ARHGAP35: variants seen among roughly 807,000 people sequenced by gnomAD.
The protein encoded by ARHGAP35 is Rho GTPase activating protein 35, also known as rho GTPase-activating protein 35.
Under a neutral mutation model 111.1 loss-of-function variants are expected in ARHGAP35, and 15 were observed. The observed-to-expected ratio is 0.13, with a 90% CI of 0.09 to 0.21. The LOEUF (loss-of-function observed/expected upper bound fraction) is 0.21. ARHGAP35 is among the 10% of genes least tolerant of loss of function. The probability of loss-of-function intolerance (pLI) is 1.00; values close to 1 mark genes in which losing one functional copy is unlikely to be tolerated. For missense variants in ARHGAP35, 1,262 were observed against 1,873.0 expected (o/e 0.67, Z 6.02); for synonymous variants, 643 against 710.3 (o/e 0.91, Z 1.51).
intron 3 of ARHGAP35, among the ~76,000 whole-genome samples, chr19:46,978,211 C>G (rs1432968598): frequency 1.3e-5 from 2 of 152,134 alleles, no homozygotes; most frequent in African/African-American, 4.8e-5. Flanking sequence ...GCCTTCCTGC[C>G]TGAGGCTTAC....
Position 46,921,160 on chromosome 19 carries a change from C to T in ARHGAP35, c.2485C>T (p.His829Tyr). Residue 829 changes from histidine (H) to tyrosine (Y), a missense_variant, in exon 2 of 7, where the codon CAC becomes TAC. This residue lies in a region of ARHGAP35 where 579 missense variants were observed against 716.9 expected (regional missense o/e 0.81). Transcript: ENST00000672722. This position sits in a 1 kb window ranked among gnomAD's most constrained non-coding sequence, Gnocchi z 4.3. The part of the protein sequence containing the change: ...SVLLELPIGL[H>Y]KKRIELSVLS... The stretch of plus-strand genomic sequence containing the variant: ...TTTACTTGAACTACCAATCGGACTG[C>T]ACAAGAAGCGGATTGAACTGTCTGT... 6.2e-7 allele frequency: 1 copy of T among 1,614,014 alleles called. No individual in the cohort carries two copies. The highest frequency in any genetic ancestry group is 8.5e-7 in the Non-Finnish European group (1 of 1,179,894).
intron 3 of ARHGAP35, among the ~76,000 whole-genome samples, chr19:46,985,160 A>G (rs577863454): frequency 6.6e-6 from 1 of 152,150 alleles, no homozygotes; most frequent in Admixed American, 6.5e-5. Context: ...GCTGACACAT[A>G]CCCAAGGCTT....
intron 1 of ARHGAP35, among the ~76,000 whole-genome samples, chr19:46,865,261 C>G (rs2055848923): frequency 6.6e-6 from 1 of 152,178 alleles, no homozygotes; most frequent in Admixed American, 6.5e-5. Flanking sequence ...AACATGTTTT[C>G]AAGGGCTCTT....
chr19:46,898,937 G>A (rs889116356), intron 1 of ARHGAP35, among the ~76,000 whole-genome samples: 3 of 152,232 alleles, frequency 2.0e-5, no homozygotes, highest in African/African-American at 7.2e-5. Flanking sequence ...TGCTGCTGCT[G>A]CTCCCCAAGA....
intron 3 of ARHGAP35, among the ~76,000 whole-genome samples, chr19:46,971,307 G>T (rs1021446219): frequency 6.6e-6 from 1 of 151,870 alleles, no homozygotes; most frequent in East Asian, 2.0e-4. Flanking sequence ...TCGGGAGGTG[G>T]AGGCAGGAGA....
intron 1 of ARHGAP35, among the ~76,000 whole-genome samples, chr19:46,893,201 T>C (rs1390178058): frequency 6.6e-6 from 1 of 152,090 alleles, no homozygotes; most frequent in East Asian, 1.9e-4. Context: ...ACAACCTGAA[T>C]AGGGGGAGGA....
intron 3 of ARHGAP35, among the ~76,000 whole-genome samples, chr19:46,956,689 G>C (rs2056441109): frequency 6.6e-6 from 1 of 152,154 alleles, no homozygotes; most frequent in African/African-American, 2.4e-5. Context: ...TAATACATCA[G>C]TGTGATTAAG....
At chr19:46,889,280 A>C (rs765156893) in intron 1 of ARHGAP35, among the ~76,000 whole-genome samples, 17 of 152,082 alleles carry the variant, frequency 1.1e-4, no homozygotes, top group Non-Finnish European at 2.4e-4. Flanking sequence ...CCTGGCCGAC[A>C]TGGTGAAACC....
intron 1 of ARHGAP35, among the ~76,000 whole-genome samples, chr19:46,861,529 C>G (rs1346785162): frequency 6.7e-6 from 1 of 149,720 alleles, no homozygotes; most frequent in Non-Finnish European, 1.5e-5. Context: ...TTCAGCCAAC[C>G]GGTTCCCAAT....
At chr19:46,892,316 A>G (rs922226939) in intron 1 of ARHGAP35, among the ~76,000 whole-genome samples, 1 of 148,916 alleles carries the variant, frequency 6.7e-6, no homozygotes, top group African/African-American at 2.5e-5. Context: ...AAAAAAAAAA[A>G]GAAAAAAAAA....
chr19:46,995,438 C>T (rs1037262587), intron 5 of ARHGAP35, among the ~76,000 whole-genome samples: 1 of 152,222 alleles, frequency 6.6e-6, no homozygotes, highest in East Asian at 1.9e-4. Context: ...GTGAAGCCAG[C>T]ACCCTGGAGG....
At chr19:46,935,987 G>A (rs1278587665) in intron 2 of ARHGAP35, among the ~76,000 whole-genome samples, 2 of 152,158 alleles carry the variant, frequency 1.3e-5, no homozygotes, top group African/African-American at 2.4e-5. Flanking sequence ...GTGTCATTTA[G>A]GCATGTGAGA....
Position 46,988,093 on chromosome 19 carries a change from G to A in ARHGAP35, c.3904+27G>A, listed in dbSNP as rs536828724. On this transcript the variant is annotated intron_variant, in intron 4 of 6. Coordinates refer to ENST00000672722, the MANE Select transcript of ARHGAP35 (RefSeq NM_004491.5). This position sits in a 1 kb window ranked among gnomAD's most constrained non-coding sequence, Gnocchi z 5.4. ...TAAAGTGCAGCCTGGCCAGGCATCCGAGGCCAGAGCTGGTCAAGGCAGACA... is the reference window on the plus strand; with the variant it reads ...TAAAGTGCAGCCTGGCCAGGCATCCAAGGCCAGAGCTGGTCAAGGCAGACA... 1.2e-4 allele frequency: 193 copies of A among 1,606,724 alleles called. 2 individuals are homozygous for A. The East Asian group carries it at 4.2e-3, about 35-fold the overall frequency.
Position 46,920,124 on chromosome 19 carries a change from A to G in ARHGAP35, c.1449A>G (p.Gln483=). The change falls in exon 2 of 7, where the codon CAA becomes CAG. Residue 483 remains glutamine (Q), a synonymous_variant. Coordinates refer to ENST00000672722, the MANE Select transcript of ARHGAP35 (RefSeq NM_004491.5). The surrounding 1 kb of genome is among the most constrained non-coding windows in gnomAD (Gnocchi z 7.0). ...YMDIYGKHQK[Q]IIDKAKEEFQ... is the part of the protein sequence containing the mutation. ...ATATTTATGGCAAACACCAAAAGCA[A>G]ATTATAGATAAAGCAAAGGAAGAAT... is the stretch of plus-strand genomic sequence containing the variant. The G allele has an allele frequency of 6.2e-7, 1 of 1,613,986 alleles. No individual in the cohort carries two copies. Among genetic ancestry groups the G allele is most frequent in the South Asian group, 1.1e-5 (1 of 91,082 alleles).
intron 3 of ARHGAP35, among the ~76,000 whole-genome samples, chr19:46,963,339 T>A (rs1204554365): frequency 6.6e-6 from 1 of 152,232 alleles, no homozygotes; most frequent in African/African-American, 2.4e-5. Context: ...TGGTAGCACA[T>A]CTGCGTGGGG....
intron 3 of ARHGAP35, among the ~76,000 whole-genome samples, chr19:46,981,394 T>A (rs2056619570): frequency 6.6e-6 from 1 of 152,162 alleles, no homozygotes; most frequent in South Asian, 2.1e-4. Flanking sequence ...TATCTAAATA[T>A]AGAAAGTAAA....
intron 1 of ARHGAP35, among the ~76,000 whole-genome samples, chr19:46,906,134 T>C (rs1397109719): frequency 2.0e-5 from 3 of 151,652 alleles, no homozygotes; most frequent in African/African-American, 4.8e-5. Flanking sequence ...CTAGGCTACA[T>C]AGTGAGATCC....
At chr19:46,936,901 G>A (rs1307942851) in intron 2 of ARHGAP35, among the ~76,000 whole-genome samples, 2 of 141,012 alleles carry the variant, frequency 1.4e-5, no homozygotes, top group African/African-American at 2.7e-5. Flanking sequence ...ATACAGTGGC[G>A]CAATCTCGGC....
At chr19:46,878,472 C>G (rs1599795189) in intron 1 of ARHGAP35, among the ~76,000 whole-genome samples, 2 of 152,118 alleles carry the variant, frequency 1.3e-5, no homozygotes, top group Middle Eastern at 6.8e-3. Flanking sequence ...GCGCACACTA[C>G]CACGCTTGGC....
Sources: gnomAD v4.1 joint callset for allele counts (sites outside exome capture counted in the v4.1 genomes callset) on GRCh38, gnomAD v4.1.1 for gene constraint, gnomAD v4.1.1 regional missense constraint, Gnocchi (gnomAD v3.1) non-coding constraint, MANE v1.5 for transcripts, NCBI Gene and HGNC (gene_info 2026-07-23, HGNC 2026-07-21) for gene names.